INA: variants seen among roughly 807,000 people sequenced by gnomAD.
INA encodes internexin neuronal intermediate filament protein alpha.
INA carries 35 observed loss-of-function variants against 40.1 expected under a neutral mutation model. The observed-to-expected ratio is 0.87, with a 90% confidence interval of 0.67 to 1.16. INA has a LOEUF of 1.16. Among genes scored for constraint, INA ranks in the 50% most tolerant of loss-of-function variants. The pLI, the probability that INA is intolerant of heterozygous loss-of-function variation, is 0.00. For missense variants in INA, 594 were observed against 686.7 expected (o/e 0.87, Z 1.51); for synonymous variants, 290 against 316.9 (o/e 0.92, Z 0.90).
At position 103,288,414 on chromosome 10, in the gene INA, G is replaced by C; in HGVS notation, c.1245G>C (p.Ser415=). 1.9e-6 allele frequency: 3 copies of C among 1,612,782 alleles called. No homozygotes were observed. The highest frequency in any genetic ancestry group is 2.5e-6 in the Non-Finnish European group (3 of 1,179,724). Residue 415 remains serine, a synonymous_variant, in exon 3 of 3, where the codon TCG becomes TCC. Transcript: ENST00000369849. ...TRFSTSGLSI[S]GLNPLPNPSY... Reference sequence around the variant, plus strand: ...TTAGCACCAGTGGGTTAAGCATTTCGGGGCTGAATCCACTTCCCAATCCAA... The same window carrying C: ...TTAGCACCAGTGGGTTAAGCATTTCCGGGCTGAATCCACTTCCCAATCCAA...
In INA at chr10:103,290,045, G is replaced by C. The variant is rs949086334; in HGVS notation, c.*1376G>C. Reference sequence around the variant, plus strand: ...AGCTCTTCATCTGCCCAACTGTGTAGCATCTGCATTGCCCAGTCTTTCATG... The same window carrying C: ...AGCTCTTCATCTGCCCAACTGTGTACCATCTGCATTGCCCAGTCTTTCATG... On this transcript the variant is annotated 3_prime_UTR_variant, in exon 3 of 3. Transcript: ENST00000369849. The C allele has an allele frequency of 2.6e-5, 4 of 152,642 alleles. No individual in the cohort carries two copies. Among genetic ancestry groups the C allele is most frequent in the South Asian group, 4.1e-4 (2 of 4,830 alleles). The allele number at this position is 152,642 out of a possible 1,614,324, so 9.5% of individuals were successfully genotyped here.
Position 103,290,085 on chromosome 10 carries a change from T to A in INA, c.*1416T>A, listed in dbSNP as rs1401227958. 1 of 152,666 alleles carries A rather than the reference T, an allele frequency of 6.6e-6. No homozygotes were observed. The highest frequency in any genetic ancestry group is 1.5e-5 in the Non-Finnish European group (1 of 68,056). 9.5% of individuals were successfully genotyped at this position (152,666 alleles called of 1,614,324 possible). A position where few individuals can be genotyped will look rare whatever the true frequency, so the allele number is the denominator to read the frequency against. ...AGTCTTTCATGTGTGCCAAGGCTGA[T>A]GCAGGATTTGTTCTCTGTCCAGCAG... On this transcript the variant is annotated 3_prime_UTR_variant, in exon 3 of 3. Coordinates refer to ENST00000369849, the MANE Select transcript of INA (RefSeq NM_032727.4).
chr10:103,284,935 G>A (rs974578432), intron 1 of INA, among the ~76,000 whole-genome samples: 6 of 152,024 alleles, frequency 3.9e-5, no homozygotes, highest in African/African-American at 1.4e-4. Flanking sequence ...TAAATTGGAT[G>A]CAAATGAAGA....
At chr10:103,282,742 TAAAA>T (rs34821970) in intron 1 of INA, among the ~76,000 whole-genome samples, 8 of 144,586 alleles carry the variant, frequency 5.5e-5, no homozygotes, top group African/African-American at 2.2e-4. Context: ...AAATTGTTAT[TAAAA>T]AAAAAAATCT....
At chr10:103,279,879 TA>T in intron 1 of INA, 2 of 1,179,170 alleles carry the variant, frequency 1.7e-6, no homozygotes, top group Non-Finnish European at 2.2e-6. Context: ...TTATGTACCC[TA>T]ACCCCTGGAT....
In INA at chr10:103,278,013, A is replaced by C. The variant is rs758002646; in HGVS notation, c.802A>C (p.Ile268Leu). Reference sequence around the variant, plus strand: ...AGACCTGACCTCGGCTCTGAGGGAGATCCGCGCCCAGTATGAGTCCCTGGC... The same window carrying C: ...AGACCTGACCTCGGCTCTGAGGGAGCTCCGCGCCCAGTATGAGTCCCTGGC... ...KPDLTSALRE[I>L]RAQYESLAAK... The change falls in exon 1 of 3, where the codon ATC becomes CTC. Residue 268 changes from isoleucine to leucine, a missense_variant. Coordinates refer to ENST00000369849, the MANE Select transcript of INA (RefSeq NM_032727.4). This position sits in a 1 kb window ranked among gnomAD's most constrained non-coding sequence, Gnocchi z 4.9. The C allele has an allele frequency of 1.2e-6, 2 of 1,607,704 alleles. No individual in the cohort carries two copies. The highest frequency in any genetic ancestry group is 1.7e-6 in the Non-Finnish European group (2 of 1,177,382).
chr10:103,279,158 T>C (rs757869335), intron 1 of INA, among the ~76,000 whole-genome samples: 7 of 152,108 alleles, frequency 4.6e-5, no homozygotes, highest in Non-Finnish European at 1.5e-5. Context: ...CTACCTGCAA[T>C]CAAAGGTCAC....
Position 103,277,442 on chromosome 10 carries a change from G to A in INA, c.231G>A (p.Leu77=), listed in dbSNP as rs201476129. The A allele has an allele frequency of 1.3e-6, 2 of 1,573,418 alleles. No homozygotes were observed. Among genetic ancestry groups the A allele is most frequent in the African/African-American group, 2.8e-5 (2 of 71,206 alleles). ...RRPPASDGLD[L]SQAAARTNEY... ...CGCCGGCGTCCGACGGGCTGGACCT[G>A]AGCCAGGCGGCGGCGCGCACCAACG... Residue 77 remains leucine, a synonymous_variant, in exon 1 of 3, where the codon CTG becomes CTA. Transcript: ENST00000369849. The surrounding 1 kb of genome is among the most constrained non-coding windows in gnomAD (Gnocchi z 5.6).
At position 103,278,679 on chromosome 10, in the gene INA, T is replaced by G. The variant is rs2093066458; in HGVS notation, c.1065+403T>G. 6.6e-6 allele frequency among the ~76,000 whole-genome samples: 1 copy of G among 152,114 alleles called. No homozygotes were observed. The highest frequency in any genetic ancestry group is 1.5e-5 in the Non-Finnish European group (1 of 68,036). On this transcript the variant is annotated intron_variant, in intron 1 of 2. Transcript: ENST00000369849. The surrounding 1 kb of genome is among the most constrained non-coding windows in gnomAD (Gnocchi z 4.9). Reference sequence around the variant, plus strand: ...GCTTGTTTGGTTGACTTTGAAAAGCTTTCTGTGCGCCCTAGAAGTTATTTA... The same window carrying G: ...GCTTGTTTGGTTGACTTTGAAAAGCGTTCTGTGCGCCCTAGAAGTTATTTA...
rs2093062873 is a variant in INA, at chr10:103,277,676, G to T, written c.465G>T (p.Glu155Asp). The change falls in exon 1 of 3, where the codon GAG becomes GAT. Residue 155 changes from glutamate to aspartate, a missense_variant. Around this residue, in one of 2 missense-constraint regions of INA, gnomAD observed 379 missense variants for 496.1 expected, o/e 0.76. Coordinates refer to ENST00000369849, the MANE Select transcript of INA (RefSeq NM_032727.4). This position sits in a 1 kb window ranked among gnomAD's most constrained non-coding sequence, Gnocchi z 5.6. The stretch of plus-strand genomic sequence containing the variant: ...TGCGCGACCTGCGCGCGCAGCTGGA[G>T]GAGGCCAGCTCGGCTCGCTCGCAGG... ...RELRDLRAQLEEASSARSQAL... is the reference protein window; with the variant it reads ...RELRDLRAQLDEASSARSQAL... 2 of 1,381,768 alleles carry T rather than the reference G, an allele frequency of 1.4e-6. No homozygotes were observed. The highest frequency in any genetic ancestry group is 3.1e-5 in the African/African-American group (2 of 65,396). The allele number at this position is 1,381,768 out of a possible 1,614,324, so 85.6% of individuals were successfully genotyped here.
Position 103,288,480 on chromosome 10 carries a change from C to A in INA, c.1311C>A (p.Ser437=), listed in dbSNP as rs2093092004. 1.9e-6 allele frequency: 3 copies of A among 1,613,864 alleles called. No individual in the cohort carries two copies. The highest frequency in any genetic ancestry group is 2.5e-6 in the Non-Finnish European group (3 of 1,179,976). ...LPPRILSATT[S]KVSSTGLSLK... ...CTAGAATCCTCAGTGCTACAACCTC[C>A]AAAGTCTCATCCACTGGGCTATCAC... The change falls in exon 3 of 3, where the codon TCC becomes TCA. Residue 437 remains serine (S), a synonymous_variant. Coordinates refer to ENST00000369849, the MANE Select transcript of INA (RefSeq NM_032727.4).
Position 103,278,072 on chromosome 10 carries a change from C to T in INA, c.861C>T (p.Tyr287=). ...AKNLQSAEEW[Y]KSKFANLNEQ... is the part of the protein sequence containing the mutation. ...ACCTGCAGTCCGCGGAAGAATGGTA[C>T]AAGTCCAAGTTTGCCAACCTGAACG... The change falls in exon 1 of 3, where the codon TAC becomes TAT. Residue 287 remains tyrosine, a synonymous_variant. Transcript: ENST00000369849. The surrounding 1 kb of genome is among the most constrained non-coding windows in gnomAD (Gnocchi z 4.9). 1 of 1,613,746 alleles carries T rather than the reference C, an allele frequency of 6.2e-7. No homozygotes were observed.
rs1039753364 is a variant in INA at position 103,289,997 on chromosome 10, C to A, written c.*1328C>A. On this transcript the variant is annotated 3_prime_UTR_variant, in exon 3 of 3. Transcript: ENST00000369849. ...GGGTGTGCATGCGCCTACTCGCTTG[C>A]TAGAAGTAGATTCTGGACAGTCAGC... is the stretch of plus-strand genomic sequence containing the variant. The A allele has an allele frequency of 6.5e-6, 1 of 152,698 alleles. No individual in the cohort carries two copies. Among genetic ancestry groups the A allele is most frequent in the Admixed American group, 6.6e-5 (1 of 15,266 alleles). The allele number at this position is 152,698 out of a possible 1,614,324, so 9.5% of individuals were successfully genotyped here.
At position 103,289,692 on chromosome 10, in the gene INA, A is replaced by G. The variant is rs1448009792; in HGVS notation, c.*1023A>G. 3 of 152,260 alleles carry G rather than the reference A, an allele frequency of 2.0e-5. No homozygotes were observed. Among genetic ancestry groups the G allele is most frequent in the African/African-American group, 7.2e-5 (3 of 41,442 alleles). The allele number at this position is 152,260 out of a possible 1,614,324, so 9.4% of individuals were successfully genotyped here. On this transcript the variant is annotated 3_prime_UTR_variant, in exon 3 of 3. Coordinates refer to ENST00000369849, the MANE Select transcript of INA (RefSeq NM_032727.4). ...TTAGCTTTTTCATCCCCTTACCCTT[A>G]GAATCCACGTATTCCCCTTCCCACT...
At position 103,277,301 on chromosome 10, in the gene INA, TG is replaced by T; in HGVS notation, c.94del (p.Ala32ProfsTer46). 1 of 1,589,198 alleles carries T rather than the reference TG, an allele frequency of 6.3e-7. No homozygotes were observed. The highest frequency in any genetic ancestry group is 2.4e-5 in the East Asian group (1 of 41,862). ...GCTCTCGCCTGTCCGCCCGCCTCTC[TG>T]GGGCCGGCGGCGCGGGCGGCTTCCG... ...DGSRLSARLS[G>X]AGGAGGFRSQ... On this transcript the variant is annotated frameshift_variant, in exon 1 of 3. Coordinates refer to ENST00000369849, the MANE Select transcript of INA (RefSeq NM_032727.4). LOFTEE classifies it high-confidence loss of function. The surrounding 1 kb of genome is among the most constrained non-coding windows in gnomAD (Gnocchi z 5.6).
In INA at chr10:103,277,375, C is replaced by T. The variant is rs770511692; in HGVS notation, c.164C>T (p.Ser55Phe). 48 of 1,562,904 alleles carry T rather than the reference C, an allele frequency of 3.1e-5. No homozygotes were observed. The South Asian group carries it at 5.0e-4, about 16-fold the overall frequency. Residue 55 changes from serine to phenylalanine, a missense_variant, in exon 1 of 3, where the codon TCC becomes TTC. Physicochemically the swap from Ser to Phe is radical, Grantham distance 155. Around this residue, in one of 2 missense-constraint regions of INA, gnomAD observed 215 missense variants for 190.6 expected, o/e 1.13. Transcript: ENST00000369849. The surrounding 1 kb of genome is among the most constrained non-coding windows in gnomAD (Gnocchi z 5.6). ...AATGTGGCCTCCTCGGCCGCCTGCT[C>T]CTCGGCCTCGTCGCTCGGCCTCGGC... Reference protein sequence around the residue: ...RSNVASSAACSSASSLGLGLA... With the variant: ...RSNVASSAACFSASSLGLGLA...
At chr10:103,279,099 T>G (rs1247570165) in intron 1 of INA, among the ~76,000 whole-genome samples, 1 of 152,118 alleles carries the variant, frequency 6.6e-6, no homozygotes, top group African/African-American at 2.4e-5. Context: ...TCTAGGCAAT[T>G]AACTGCTTTG....
Position 103,288,572 on chromosome 10 carries a change from A to G in INA, c.1403A>G (p.Glu468Gly). The change falls in exon 3 of 3, where the codon GAA (glutamate) becomes GGA (glycine). Residue 468 changes from glutamate to glycine, a missense_variant. This residue lies in a region of INA where 379 missense variants were observed against 496.1 expected (regional missense o/e 0.76). Transcript: ENST00000369849. ...TCTAAGAAAACCTCCCAGATAGGGGAAAGTTTTGAAGAAATATTAGAGGAG... is the reference window on the plus strand; with the variant it reads ...TCTAAGAAAACCTCCCAGATAGGGGGAAGTTTTGAAGAAATATTAGAGGAG... ...VASKKTSQIG[E>G]SFEEILEETV... 6.2e-7 allele frequency: 1 copy of G among 1,613,662 alleles called. No individual in the cohort carries two copies. Among genetic ancestry groups the G allele is most frequent in the South Asian group, 1.1e-5 (1 of 91,050 alleles).
chr10:103,278,922 C>CACACACACACAA lies in INA; in HGVS notation c.1065+657_1065+658insAACACACACACA, dbSNP rs1554858930. The stretch of plus-strand genomic sequence containing the variant: ...CCACCAGCACACACACACACACACA[C>CACACACACACAA]ACACACACACACGATTCCCTTGTCC... On this transcript the variant is annotated intron_variant, in intron 1 of 2. Transcript: ENST00000369849. The surrounding 1 kb of genome is among the most constrained non-coding windows in gnomAD (Gnocchi z 4.9). Among the ~76,000 whole-genome samples, 5 of 151,810 alleles carry CACACACACACAA rather than the reference C, an allele frequency of 3.3e-5. No individual in the cohort carries two copies. The highest frequency in any genetic ancestry group is 7.4e-5 in the Non-Finnish European group (5 of 67,958).
Sources: gnomAD v4.1 joint callset for allele counts (sites outside exome capture counted in the v4.1 genomes callset) on GRCh38, gnomAD v4.1.1 for gene constraint, gnomAD v4.1.1 regional missense constraint, Gnocchi (gnomAD v3.1) non-coding constraint, MANE v1.5 for transcripts, NCBI Gene and HGNC (gene_info 2026-07-23, HGNC 2026-07-21) for gene names.